Variants in EYS observed in about 807,000 individuals in gnomAD.
EYS encodes EGF-like photoreceptor maintenance factor, also known as protein eyes shut homolog.
A neutral mutation model predicts 282.1 loss-of-function variants in EYS; 250 were observed. That is an observed-to-expected ratio of 0.89 (90% CI 0.80 to 0.98). The LOEUF is 0.98. EYS is among the 50% of genes least tolerant of loss of function. The pLI is 0.00. For synonymous variants in EYS, 1,355 were observed against 1,282.9 expected (o/e 1.06, Z -1.20); for missense variants, 4,016 against 3,709.0 (o/e 1.08, Z -2.15).
chr6:65,169,431 CA>C (rs1765052052), intron 12 of EYS, among the ~76,000 whole-genome samples: 1 of 151,244 alleles, frequency 6.6e-6, no homozygotes, highest in South Asian at 2.1e-4. Context: ...AATAAAAATA[CA>C]AATATATGTA....
intron 12 of EYS, among the ~76,000 whole-genome samples, chr6:65,089,270 A>C (rs1390944703): frequency 1.3e-5 from 2 of 152,088 alleles, no homozygotes; most frequent in Non-Finnish European, 2.9e-5. Flanking sequence ...AAAGCTGCAA[A>C]CACTCAACAT....
chr6:65,469,383 T>G (rs1765125333), intron 5 of EYS, among the ~76,000 whole-genome samples: 5 of 152,094 alleles, frequency 3.3e-5, no homozygotes, highest in Admixed American at 3.3e-4. Flanking sequence ...TTTTGAATCT[T>G]CATAAAAAAT....
chr6:63,993,356 A>G (rs1767690599), intron 34 of EYS, among the ~76,000 whole-genome samples: 1 of 151,810 alleles, frequency 6.6e-6, no homozygotes, highest in African/African-American at 2.4e-5. Context: ...CCAAATAAGA[A>G]ATAAAGAAGT....
At position 64,454,871 on chromosome 6, in the gene EYS, A is replaced by C. The variant is rs115742993; in HGVS notation, c.5645-15519T>G. Among the ~76,000 whole-genome samples the C allele has an allele frequency of 8.3e-3, 1,260 of 152,234 alleles. 12 individuals carry two copies. Among genetic ancestry groups the C allele is most frequent in the African/African-American group, 0.029 (1,199 of 41,546 alleles). On this transcript the variant is annotated intron_variant, in intron 26 of 42. Transcript: ENST00000503581. ...CGGTAGATGTCTCCCTTATATGACG[A>C]CTTCTATGACATTTTTAATGTAGTT...
intron 2 of EYS, among the ~76,000 whole-genome samples, chr6:65,632,990 C>T (rs190855585): frequency 7.2e-4 from 109 of 152,218 alleles, no homozygotes; most frequent in Middle Eastern, 3.4e-3. Context: ...CAATGTTACA[C>T]AGCAAATATG....
chr6:64,591,728 A>C lies in EYS; in HGVS notation c.4139T>G (p.Leu1380Arg). ...TCTCCTATCAGGAAAAAAGAAACCTAGTGTGGCTGCTGAAGTTCGAATAGG... is the reference window on the plus strand; with the variant it reads ...TCTCCTATCAGGAAAAAAGAAACCTCGTGTGGCTGCTGAAGTTCGAATAGG... ...HMPIRTSAATLGFFFPDRRAR... is the reference protein window; with the variant it reads ...HMPIRTSAATRGFFFPDRRAR... The change falls in exon 26 of 43, where the codon CTA becomes CGA. Residue 1380 changes from leucine (L) to arginine (R), a missense_variant. Physicochemically the swap from Leu to Arg is moderately radical, Grantham distance 102 (BLOSUM62 -2). Transcript: ENST00000503581. 6.4e-7 allele frequency: 1 copy of C among 1,551,374 alleles called. No individual in the cohort carries two copies. Among genetic ancestry groups the C allele is most frequent in the Non-Finnish European group, 8.7e-7 (1 of 1,146,768 alleles).
intron 31 of EYS, among the ~76,000 whole-genome samples, chr6:64,205,010 T>C (rs1765574019): frequency 1.3e-5 from 2 of 152,132 alleles, no homozygotes; most frequent in Non-Finnish European, 2.9e-5. Flanking sequence ...TGGTAAATTG[T>C]TAACAATAGA....
At chr6:65,274,238 A>T (rs1455436864) in intron 12 of EYS, among the ~76,000 whole-genome samples, 1 of 152,212 alleles carries the variant, frequency 6.6e-6, no homozygotes, top group Non-Finnish European at 1.5e-5. Flanking sequence ...ACCAAAAGCA[A>T]TATAGTATTT....
intron 12 of EYS, among the ~76,000 whole-genome samples, chr6:65,109,136 A>G (rs572776836): frequency 6.6e-6 from 1 of 152,176 alleles, no homozygotes; most frequent in South Asian, 2.1e-4. Context: ...CATGTAAGAT[A>G]ATCTATACAA....
intron 30 of EYS, among the ~76,000 whole-genome samples, chr6:64,237,821 T>G (rs1161965669): frequency 6.6e-6 from 1 of 152,156 alleles, no homozygotes; most frequent in Non-Finnish European, 1.5e-5. Flanking sequence ...TTTTTGCTAT[T>G]TAAAAAACAT....
At chr6:65,239,649 T>C (rs535854574) in intron 12 of EYS, among the ~76,000 whole-genome samples, 2 of 152,222 alleles carry the variant, frequency 1.3e-5, no homozygotes, top group South Asian at 4.1e-4. Context: ...ATCTTCAGAA[T>C]TTTGTGGGTT....
intron 13 of EYS, among the ~76,000 whole-genome samples, chr6:65,049,391 G>C (rs1773199162): frequency 6.6e-6 from 1 of 151,656 alleles, no homozygotes; most frequent in East Asian, 1.9e-4. Flanking sequence ...ATAATACGAG[G>C]ATATGCATGG....
intron 33 of EYS, among the ~76,000 whole-genome samples, chr6:64,022,786 A>G (rs940507373): frequency 6.6e-6 from 1 of 152,210 alleles, no homozygotes; most frequent in African/African-American, 2.4e-5. Context: ...CCAGCTCCCC[A>G]AAACTAGTGC....
At chr6:64,094,710 C>G (rs1256515383) in intron 31 of EYS, among the ~76,000 whole-genome samples, 1 of 152,092 alleles carries the variant, frequency 6.6e-6, no homozygotes, top group East Asian at 1.9e-4. Context: ...AAAACCAGCT[C>G]CTGGATTGAT....
chr6:64,496,225 G>A (rs1776884928), intron 26 of EYS, among the ~76,000 whole-genome samples: 1 of 151,826 alleles, frequency 6.6e-6, no homozygotes, highest in Non-Finnish European at 1.5e-5. Context: ...TGAATATTAA[G>A]TAGGAAACTT....
At chr6:64,752,816 T>C (rs12333049) in intron 22 of EYS, among the ~76,000 whole-genome samples, 6,719 of 152,188 alleles carry the variant, frequency 0.044, 482 homozygotes, top group African/African-American at 0.15. Context: ...TCTCAATTGA[T>C]ACCTCAGAAT....
At chr6:65,278,670 T>C (rs1768131466) in intron 12 of EYS, among the ~76,000 whole-genome samples, 1 of 152,080 alleles carries the variant, frequency 6.6e-6, no homozygotes, top group Non-Finnish European at 1.5e-5. Context: ...TTTGTCATGC[T>C]CACTATTGTA....
At chr6:64,440,709 T>C (rs1177883159) in intron 26 of EYS, among the ~76,000 whole-genome samples, 1 of 152,094 alleles carries the variant, frequency 6.6e-6, no homozygotes, top group African/African-American at 2.4e-5. Context: ...TTTTAACAAA[T>C]TGAGAATAAA....
At chr6:65,451,780 C>T (rs1475386871) in intron 5 of EYS, among the ~76,000 whole-genome samples, 1 of 151,796 alleles carries the variant, frequency 6.6e-6, no homozygotes, top group Admixed American at 6.6e-5. Flanking sequence ...CTGATCTATA[C>T]TTTTTATTTC....
Sources: gnomAD v4.1 joint callset for allele counts (sites outside exome capture counted in the v4.1 genomes callset) on GRCh38, gnomAD v4.1.1 for gene constraint, MANE v1.5 for transcripts, NCBI Gene and HGNC (gene_info 2026-07-23, HGNC 2026-07-21) for gene names.